The following RCAN2 variants were observed in gnomAD, a reference collection of about 807,000 sequenced individuals.
RCAN2 encodes calcipressin-2.
In RCAN2, 9 loss-of-function variants were observed where a neutral mutation model predicts 23.6. That is an observed-to-expected ratio of 0.38 (90% CI 0.23 to 0.67). The LOEUF (loss-of-function observed/expected upper bound fraction) is 0.67, where lower values mean the gene tolerates loss of function less well. Ranked by LOEUF, RCAN2 falls within the 30% of genes least tolerant of loss-of-function variation. The pLI is 0.51. For missense variants in RCAN2, 273 were observed against 302.3 expected, an observed-to-expected ratio of 0.90 and a Z score of 0.72; for synonymous variants, 109 against 115.7, an observed-to-expected ratio of 0.94 and a Z score of 0.37.
intron 2 of RCAN2, among the ~76,000 whole-genome samples, chr6:46,449,071 A>G (rs1290856807): frequency 6.6e-6 from 1 of 151,940 alleles, no homozygotes; most frequent in Non-Finnish European, 1.5e-5. Context: ...TCTTATACAT[A>G]GAAAACCCTC....
chr6:46,422,235 C>T (rs1329519360), intron 2 of RCAN2, among the ~76,000 whole-genome samples: 2 of 152,130 alleles, frequency 1.3e-5, no homozygotes, highest in Admixed American at 6.6e-5. Context: ...GAGCCTGGCA[C>T]CTCCCCGGCC....
intron 2 of RCAN2, among the ~76,000 whole-genome samples, chr6:46,412,616 A>C (rs1015041908): frequency 1.3e-5 from 2 of 152,240 alleles, no homozygotes; most frequent in Non-Finnish European, 2.9e-5. Flanking sequence ...ATGTCACAAA[A>C]GTCAAGAGCT....
chr6:46,333,089 T>G (rs1389600211), intron 2 of RCAN2, among the ~76,000 whole-genome samples: 3 of 152,356 alleles, frequency 2.0e-5, no homozygotes, highest in Middle Eastern at 3.4e-3. Flanking sequence ...ATGTGTTTTT[T>G]GGCTGCCTAA....
At chr6:46,352,770 G>A (rs1033925758) in intron 2 of RCAN2, among the ~76,000 whole-genome samples, 1 of 151,892 alleles carries the variant, frequency 6.6e-6, no homozygotes, top group Non-Finnish European at 1.5e-5. Flanking sequence ...GGAATCAGGG[G>A]AAAAAAAGGT....
At chr6:46,338,370 A>C (rs566509315) in intron 2 of RCAN2, among the ~76,000 whole-genome samples, 2 of 152,248 alleles carry the variant, frequency 1.3e-5, no homozygotes, top group Admixed American at 1.3e-4. Context: ...ACATTGTGTC[A>C]CACCCTCTAG....
At chr6:46,298,275 C>T (rs150015889) in intron 2 of RCAN2, among the ~76,000 whole-genome samples, 2 of 152,146 alleles carry the variant, frequency 1.3e-5, no homozygotes, top group East Asian at 3.9e-4. Context: ...AAAAGTCACC[C>T]GTAGTTGTAA....
At chr6:46,285,049 A>G (rs552655910) in intron 2 of RCAN2, among the ~76,000 whole-genome samples, 83 of 152,314 alleles carry the variant, frequency 5.4e-4, no homozygotes, top group African/African-American at 1.9e-3. Context: ...TTGTTGATCT[A>G]TACATGTTTG....
At chr6:46,477,980 T>A (rs1039230118) in intron 1 of RCAN2, among the ~76,000 whole-genome samples, 2 of 152,170 alleles carry the variant, frequency 1.3e-5, no homozygotes, top group Non-Finnish European at 2.9e-5. Flanking sequence ...AAGTAAGTAT[T>A]CCCATAGTCT....
intron 2 of RCAN2, among the ~76,000 whole-genome samples, chr6:46,302,904 G>A (rs1762948473): frequency 6.6e-6 from 1 of 152,034 alleles, no homozygotes; most frequent in African/African-American, 2.4e-5. Flanking sequence ...ACCCATCTAA[G>A]GTCACATAGA....
chr6:46,282,857 G>T (rs1348239), intron 2 of RCAN2, among the ~76,000 whole-genome samples: 1,878 of 152,306 alleles, frequency 0.012, 41 homozygotes, highest in African/African-American at 0.04. Context: ...CTGGCCCCAA[G>T]TCAAATCTGC....
chr6:46,381,761 G>A (rs548373271), intron 2 of RCAN2, among the ~76,000 whole-genome samples: 26 of 152,118 alleles, frequency 1.7e-4, no homozygotes, highest in African/African-American at 6.3e-4. Flanking sequence ...TGCTCACCTC[G>A]GACCAGAGGT....
intron 2 of RCAN2, among the ~76,000 whole-genome samples, chr6:46,333,529 A>T (rs752948100): frequency 5.9e-5 from 9 of 152,238 alleles, no homozygotes; most frequent in Non-Finnish European, 8.8e-5. Flanking sequence ...GACACATTTT[A>T]GAGTGGAAAC....
At chr6:46,275,164 C>T (rs1767652978) in intron 2 of RCAN2, among the ~76,000 whole-genome samples, 2 of 151,848 alleles carry the variant, frequency 1.3e-5, no homozygotes, top group East Asian at 1.9e-4. Flanking sequence ...GCAATCATCA[C>T]CTTTTTTTTT....
intron 2 of RCAN2, among the ~76,000 whole-genome samples, chr6:46,412,239 G>T (rs146773122): frequency 2.0e-3 from 305 of 152,320 alleles, no homozygotes; most frequent in Middle Eastern, 0.017. Flanking sequence ...GTCTGAGTAG[G>T]TGTTGACAGC....
intron 4 of RCAN2, among the ~76,000 whole-genome samples, chr6:46,224,262 C>T (rs1765573048): frequency 6.6e-6 from 1 of 152,202 alleles, no homozygotes; most frequent in Non-Finnish European, 1.5e-5. Context: ...TCATTGTTGA[C>T]ATACTAATCT....
chr6:46,264,696 C>A (rs1166145518), intron 2 of RCAN2, among the ~76,000 whole-genome samples: 1 of 152,158 alleles, frequency 6.6e-6, no homozygotes, highest in Non-Finnish European at 1.5e-5. Context: ...CTACATCTAT[C>A]ATGGCTGAAG....
At chr6:46,257,757 TAGAAAGCAAC>T (rs1207885617) in intron 2 of RCAN2, among the ~76,000 whole-genome samples, 57 of 152,248 alleles carry the variant, frequency 3.7e-4, no homozygotes, top group African/African-American at 1.1e-3. Flanking sequence ...CCATATTACC[TAGAAAGCAAC>T]TGAAAGCCAG....
chr6:46,356,724 G>A (rs1354047160), intron 2 of RCAN2, among the ~76,000 whole-genome samples: 3 of 152,170 alleles, frequency 2.0e-5, no homozygotes, highest in Non-Finnish European at 4.4e-5. Context: ...CTTGCCAAAG[G>A]TCAAAGAATG....
At chr6:46,460,114 G>A (rs1448987372) in intron 1 of RCAN2, among the ~76,000 whole-genome samples, 1 of 151,908 alleles carries the variant, frequency 6.6e-6, no homozygotes, top group Non-Finnish European at 1.5e-5. Flanking sequence ...CTGGAGTGCA[G>A]TAGCACAATC....
Sources: gnomAD v4.1 joint callset for allele counts (sites outside exome capture counted in the v4.1 genomes callset) on GRCh38, gnomAD v4.1.1 for gene constraint, MANE v1.5 for transcripts, NCBI Gene and HGNC (gene_info 2026-07-23, HGNC 2026-07-21) for gene names.